The following BABAM2 variants were observed in gnomAD, a reference collection of about 807,000 sequenced individuals.
BABAM2 encodes the protein BRISC and BRCA1-A complex member 2.
In BABAM2, 31 loss-of-function variants were observed where a neutral mutation model predicts 54.7. The observed-to-expected ratio is 0.57, with a 90% confidence interval of 0.43 to 0.77. BABAM2 has a LOEUF of 0.77. Ranked by LOEUF, BABAM2 falls within the 30% of genes least tolerant of loss-of-function variation. The pLI, the probability that BABAM2 is intolerant of heterozygous loss-of-function variation, is 0.00. For synonymous variants in BABAM2, 167 were observed against 162.9 expected (o/e 1.03, Z -0.19); for missense variants, 364 against 455.8 (o/e 0.80, Z 1.83).
intron 7 of BABAM2, among the ~76,000 whole-genome samples, chr2:28,182,908 C>T (rs1045923498): frequency 2.6e-5 from 4 of 152,114 alleles, no homozygotes; most frequent in South Asian, 2.1e-4. Flanking sequence ...AAGTGTCCCT[C>T]GTGCTTGAAA....
At chr2:28,294,359 G>A (rs866108331) in intron 10 of BABAM2, among the ~76,000 whole-genome samples, 27 of 148,562 alleles carry the variant, frequency 1.8e-4, no homozygotes, top group African/African-American at 5.5e-4. Flanking sequence ...CAGCCTGGGC[G>A]ACACAGTGAG....
chr2:28,153,165 A>G (rs1323178246), intron 7 of BABAM2, among the ~76,000 whole-genome samples: 4 of 152,172 alleles, frequency 2.6e-5, no homozygotes, highest in African/African-American at 4.8e-5. Flanking sequence ...GCAAAGACGT[A>G]TTAGGATTTC....
At chr2:27,933,561 CG>C (rs1668258935) in intron 3 of BABAM2, among the ~76,000 whole-genome samples, 1 of 151,658 alleles carries the variant, frequency 6.6e-6, no homozygotes, top group Non-Finnish European at 1.5e-5. Flanking sequence ...CTCCACCTCC[CG>C]GGTTCAAGCA....
At chr2:28,326,474 T>G (rs1690467509) in intron 11 of BABAM2, among the ~76,000 whole-genome samples, 1 of 152,098 alleles carries the variant, frequency 6.6e-6, no homozygotes, top group South Asian at 2.1e-4. Context: ...AGCACATTCC[T>G]TAGCCCCCCA....
chr2:28,069,441 T>G (rs888899424), intron 6 of BABAM2, among the ~76,000 whole-genome samples: 6 of 152,102 alleles, frequency 3.9e-5, no homozygotes, highest in Admixed American at 3.9e-4. Flanking sequence ...GATTAAAGAG[T>G]TGCAGAAGTT....
chr2:27,921,285 A>T (rs2148330992), intron 2 of BABAM2, among the ~76,000 whole-genome samples: 1 of 152,314 alleles, frequency 6.6e-6, no homozygotes, highest in African/African-American at 2.4e-5. Flanking sequence ...TCTTTTCATT[A>T]GAACGCATGT....
chr2:28,251,630 G>A (rs1683496873), intron 10 of BABAM2, among the ~76,000 whole-genome samples: 1 of 152,132 alleles, frequency 6.6e-6, no homozygotes, highest in African/African-American at 2.4e-5. Flanking sequence ...AAACAAGATG[G>A]CTACTACATA....
intron 7 of BABAM2, among the ~76,000 whole-genome samples, chr2:28,149,275 G>A (rs774302174): frequency 2.0e-5 from 3 of 152,186 alleles, no homozygotes; most frequent in Non-Finnish European, 4.4e-5. Flanking sequence ...TGGGTACGAA[G>A]ACTCAGCTCC....
At chr2:28,253,401 C>CAAAAAA (rs374215052) in intron 10 of BABAM2, among the ~76,000 whole-genome samples, 1 of 128,786 alleles carries the variant, frequency 7.8e-6, no homozygotes. Flanking sequence ...GACTTTGTCT[C>CAAAAAA]AAAAAAAAAA....
At chr2:27,989,288 A>G (rs1189249078) in intron 4 of BABAM2, among the ~76,000 whole-genome samples, 1 of 152,176 alleles carries the variant, frequency 6.6e-6, no homozygotes, top group Non-Finnish European at 1.5e-5. Flanking sequence ...TGGATGCCAA[A>G]GATGTATTCC....
At chr2:28,004,169 T>C (rs1477972931) in intron 4 of BABAM2, among the ~76,000 whole-genome samples, 1 of 151,966 alleles carries the variant, frequency 6.6e-6, no homozygotes, top group Non-Finnish European at 1.5e-5. Flanking sequence ...AAAAACATTT[T>C]TCAGAGAAAT....
intron 2 of BABAM2, among the ~76,000 whole-genome samples, chr2:27,895,632 G>T (rs1665233341): frequency 6.6e-6 from 1 of 152,122 alleles, no homozygotes; most frequent in South Asian, 2.1e-4. Context: ...AATTAGTTAA[G>T]TACTGTATTT....
At chr2:28,263,041 T>A (rs1272102638) in intron 10 of BABAM2, among the ~76,000 whole-genome samples, 2 of 150,752 alleles carry the variant, frequency 1.3e-5, no homozygotes, top group African/African-American at 4.9e-5. Context: ...ACCCTTGCCT[T>A]CCAGTAGATG....
At chr2:28,332,721 A>T (rs1691071595) in intron 11 of BABAM2, among the ~76,000 whole-genome samples, 1 of 152,118 alleles carries the variant, frequency 6.6e-6, no homozygotes, top group Non-Finnish European at 1.5e-5. Flanking sequence ...CCTGACCAAA[A>T]CTGCACACCA....
chr2:28,252,157 C>T (rs1426791882), intron 10 of BABAM2, among the ~76,000 whole-genome samples: 1 of 151,144 alleles, frequency 6.6e-6, no homozygotes, highest in Non-Finnish European at 1.5e-5. Flanking sequence ...TTGCACTCCA[C>T]CCTGGGCAAG....
At chr2:28,030,455 A>G (rs1378378944) in intron 5 of BABAM2, among the ~76,000 whole-genome samples, 1 of 152,218 alleles carries the variant, frequency 6.6e-6, no homozygotes, top group Non-Finnish European at 1.5e-5. Context: ...GACCAGGCCT[A>G]GGGAAGGCCT....
intron 7 of BABAM2, among the ~76,000 whole-genome samples, chr2:28,134,048 A>G (rs1444032474): frequency 1.3e-5 from 2 of 152,144 alleles, no homozygotes; most frequent in African/African-American, 4.8e-5. Flanking sequence ...AATGCTTCTG[A>G]GAAGAACTTT....
At chr2:27,953,208 G>T (rs946805765) in intron 3 of BABAM2, among the ~76,000 whole-genome samples, 2 of 151,454 alleles carry the variant, frequency 1.3e-5, no homozygotes, top group African/African-American at 2.4e-5. Flanking sequence ...TGAGACAGAG[G>T]CTTGCTCTGT....
At position 27,973,271 on chromosome 2, in the gene BABAM2, T is replaced by G. The variant is rs111456535; in HGVS notation, c.206-14722T>G. On this transcript the variant is annotated intron_variant, in intron 3 of 11. Coordinates refer to ENST00000379624, the MANE Select transcript of BABAM2 (RefSeq NM_199191.3). ...CCATATGGAGGTCATTTTCTTGTGT[T>G]TTAAAAAATTTGTTTATCTTTTCTT... Among the ~76,000 whole-genome samples, 1,246 of 152,256 alleles carry G rather than the reference T, an allele frequency of 8.2e-3. 15 individuals are homozygous for G. The highest frequency in any genetic ancestry group is 0.029 in the African/African-American group (1,205 of 41,556).
Sources: allele counts gnomAD v4.1 joint callset (sites outside exome capture counted in the v4.1 genomes callset), GRCh38; gene constraint gnomAD v4.1.1; transcripts MANE v1.5; gene names NCBI Gene and HGNC (gene_info 2026-07-23, HGNC 2026-07-21).